Variants in SLC45A4 observed in about 807,000 individuals in gnomAD.
SLC45A4 encodes polyamine-transporter SLC45A4.
A neutral mutation model predicts 63.7 loss-of-function variants in SLC45A4; 32 were observed. The ratio of observed to expected loss-of-function variants is 0.50; its 90% CI spans 0.38 to 0.67. SLC45A4 has a LOEUF of 0.67. Ranked by LOEUF, SLC45A4 falls within the 30% of genes least tolerant of loss-of-function variation. The pLI, the probability that SLC45A4 is intolerant of heterozygous loss-of-function variation, is 0.00. For synonymous variants in SLC45A4, 535 were observed against 510.0 expected, an observed-to-expected ratio of 1.05 and a Z score of -0.66; for missense variants, 1,027 against 1,157.7, an observed-to-expected ratio of 0.89 and a Z score of 1.64.
chr8:141,245,733 CA>C (rs1401711002), intron 2 of SLC45A4, among the ~76,000 whole-genome samples: 2 of 152,154 alleles, frequency 1.3e-5, no homozygotes, highest in Non-Finnish European at 2.9e-5. Flanking sequence ...GAGTCAAGGG[CA>C]GGGGGAAGGG....
intron 1 of SLC45A4, among the ~76,000 whole-genome samples, chr8:141,274,488 C>T (rs939859806): frequency 6.7e-6 from 1 of 148,202 alleles, no homozygotes; most frequent in Non-Finnish European, 1.5e-5. Flanking sequence ...GAGCCGCGAT[C>T]GCACCATTGC....
At chr8:141,279,751 C>T (rs1189355667) in intron 1 of SLC45A4, among the ~76,000 whole-genome samples, 1 of 152,262 alleles carries the variant, frequency 6.6e-6, no homozygotes, top group Admixed American at 6.5e-5. Context: ...ACAGCCAAAA[C>T]AATTCCATCT....
intron 1 of SLC45A4, among the ~76,000 whole-genome samples, chr8:141,271,848 T>C (rs539563741): frequency 6.6e-6 from 1 of 151,198 alleles, no homozygotes; most frequent in African/African-American, 2.4e-5. Flanking sequence ...CACACCTGTG[T>C]ACACACACAC....
rs150310959 is a variant in SLC45A4 at position 141,277,549 on chromosome 8, C to T, written c.-400-22920G>A. Among the ~76,000 whole-genome samples the T allele has an allele frequency of 1.1e-4, 16 of 152,168 alleles. No homozygotes were observed. The East Asian group carries it at 2.1e-3, about 20-fold the overall frequency. On this transcript the variant is annotated intron_variant, in intron 1 of 8. Coordinates refer to ENST00000517878, the MANE Select transcript of SLC45A4 (RefSeq NM_001286646.2). ...GACGTGATAAAATCAACATGATTCA[C>T]GTACTTTAGATGTTTTAGATTTTAC...
chr8:141,238,214 T>C (rs1407462254), intron 2 of SLC45A4, among the ~76,000 whole-genome samples: 1 of 152,232 alleles, frequency 6.6e-6, no homozygotes, highest in East Asian at 1.9e-4. Flanking sequence ...GCTCCAAGCC[T>C]GGACCTGCGT....
chr8:141,304,270 C>CAG (rs1414450918), intron 1 of SLC45A4, among the ~76,000 whole-genome samples: 2 of 149,628 alleles, frequency 1.3e-5, no homozygotes, highest in Non-Finnish European at 3.0e-5. Context: ...CTCTTAAATA[C>CAG]ACACACACAC....
chr8:141,254,438 G>T lies in SLC45A4; in HGVS notation c.-209C>A. On this transcript the variant is annotated 5_prime_UTR_variant, in exon 2 of 9. Coordinates refer to ENST00000517878, the MANE Select transcript of SLC45A4 (RefSeq NM_001286646.2). The surrounding 1 kb of genome is among the most constrained non-coding windows in gnomAD (Gnocchi z 4.5). Reference sequence around the variant, plus strand: ...ATGCAGCAACACAGAACGATTTTTGGTTGGATTTTAAACATATGGCTTGCT... The same window carrying T: ...ATGCAGCAACACAGAACGATTTTTGTTTGGATTTTAAACATATGGCTTGCT... The T allele has an allele frequency of 1.8e-5, 12 of 657,902 alleles. No individual in the cohort carries two copies. Among genetic ancestry groups the T allele is most frequent in the Middle Eastern group, 3.9e-4 (1 of 2,570 alleles). 40.8% of individuals were successfully genotyped at this position (657,902 alleles called of 1,614,324 possible).
chr8:141,299,671 G>A (rs1003157947), intron 1 of SLC45A4, among the ~76,000 whole-genome samples: 1 of 152,212 alleles, frequency 6.6e-6, no homozygotes, highest in African/African-American at 2.4e-5. Context: ...ACCACTAGCA[G>A]TTATTCTAGT....
At chr8:141,233,520 A>T (rs1827471109) in intron 2 of SLC45A4, among the ~76,000 whole-genome samples, 1 of 152,122 alleles carries the variant, frequency 6.6e-6, no homozygotes, top group Non-Finnish European at 1.5e-5. Flanking sequence ...CACCACCTGC[A>T]GCAAAAATAG....
At chr8:141,258,060 CTTTTTTTTTTT>C (rs3072057) in intron 1 of SLC45A4, among the ~76,000 whole-genome samples, 2 of 123,326 alleles carry the variant, frequency 1.6e-5, no homozygotes, top group Admixed American at 8.3e-5. Context: ...TTTCTTCTTC[CTTTTTTTTTTT>C]TTTTTTTTTT....
chr8:141,300,845 T>C (rs564284030), intron 1 of SLC45A4, among the ~76,000 whole-genome samples: 1 of 152,238 alleles, frequency 6.6e-6, no homozygotes, highest in Non-Finnish European at 1.5e-5. Context: ...CCTTTAACAC[T>C]GCGCATTTAG....
intron 1 of SLC45A4, among the ~76,000 whole-genome samples, chr8:141,275,081 C>A (rs1223189175): frequency 1.3e-5 from 2 of 152,252 alleles, no homozygotes; most frequent in African/African-American, 2.4e-5. Context: ...CCGCCAACCA[C>A]ATCGGTTCGA....
At chr8:141,297,887 TCACA>T (rs60416962) in intron 1 of SLC45A4, among the ~76,000 whole-genome samples, 17,177 of 151,942 alleles carry the variant, frequency 0.11, 1,566 homozygotes, top group East Asian at 0.42. Flanking sequence ...AAGATTTTTC[TCACA>T]CACAGCCACA....
At chr8:141,307,863 A>C (rs1830948972) in intron 1 of SLC45A4, among the ~76,000 whole-genome samples, 2 of 146,750 alleles carry the variant, frequency 1.4e-5, no homozygotes, top group East Asian at 2.1e-4. Context: ...GGCAGGTGCA[A>C]TCCGGAAAGA....
Position 141,256,400 on chromosome 8 carries a change from C to T in SLC45A4, c.-400-1771G>A. 1 of 364,430 alleles carries T rather than the reference C, an allele frequency of 2.7e-6. No homozygotes were observed. 22.6% of individuals were successfully genotyped at this position (364,430 alleles called of 1,614,324 possible). ...TATTTCTCATTACTTTCCACCGAAC[C>T]AAAGGTGGTCTTAATTAGCTCCTCC... is the stretch of plus-strand genomic sequence containing the variant. On this transcript the variant is annotated intron_variant, in intron 1 of 8. Transcript: ENST00000517878. This position sits in a 1 kb window ranked among gnomAD's most constrained non-coding sequence, Gnocchi z 4.3.
intron 3 of SLC45A4, 73 bp from the exon 4 acceptor site, chr8:141,219,902 CATGGA>C: frequency 7.1e-7 from 1 of 1,405,004 alleles, no homozygotes. Context: ...CAAACAGCCA[CATGGA>C]AGGGGCATGC....
intron 1 of SLC45A4, among the ~76,000 whole-genome samples, chr8:141,300,935 C>T (rs1013191430): frequency 4.6e-5 from 7 of 152,248 alleles, no homozygotes; most frequent in East Asian, 1.9e-4. Context: ...GGACCTTACC[C>T]GTGGACCAAG....
Position 141,215,699 on chromosome 8 carries a change from G to A in SLC45A4, c.1941+60C>T. On this transcript the variant is annotated intron_variant, in intron 7 of 8. Coordinates refer to ENST00000517878, the MANE Select transcript of SLC45A4 (RefSeq NM_001286646.2). The surrounding 1 kb of genome is among the most constrained non-coding windows in gnomAD (Gnocchi z 4.3). ...CCGGGGAAGCACAGGGCTCTGCTCT[G>A]TATGGAGGGAAGGCACTCAGGAGGC... is the stretch of plus-strand genomic sequence containing the variant. 2 of 1,554,608 alleles carry A rather than the reference G, an allele frequency of 1.3e-6. No individual in the cohort carries two copies. The highest frequency in any genetic ancestry group is 1.8e-6 in the Non-Finnish European group (2 of 1,136,368).
chr8:141,295,282 G>GC (rs1830504057), intron 1 of SLC45A4, among the ~76,000 whole-genome samples: 1 of 152,108 alleles, frequency 6.6e-6, no homozygotes, highest in Non-Finnish European at 1.5e-5. Flanking sequence ...TTAGAGATCT[G>GC]CCCCAGGCCC....
Sources: gnomAD v4.1 joint callset for allele counts (sites outside exome capture counted in the v4.1 genomes callset) on GRCh38, gnomAD v4.1.1 for gene constraint, Gnocchi (gnomAD v3.1) non-coding constraint, MANE v1.5 for transcripts, NCBI Gene and HGNC (gene_info 2026-07-23, HGNC 2026-07-21) for gene names.